CEP44: variants seen among roughly 807,000 people sequenced by gnomAD.
CEP44 encodes the protein centrosomal protein of 44 kDa.
In CEP44, 45 loss-of-function variants were observed where a neutral mutation model predicts 46.7. The observed-to-expected ratio is 0.96, with a 90% CI of 0.76 to 1.24. The LOEUF (loss-of-function observed/expected upper bound fraction) is 1.24. Ranked by LOEUF, CEP44 falls within the 50% of genes most tolerant of loss-of-function variation. The pLI, the probability that CEP44 is intolerant of heterozygous loss-of-function variation, is 0.00. For missense variants in CEP44, 475 were observed against 459.7 expected, an observed-to-expected ratio of 1.03 and a Z score of -0.30; for synonymous variants, 142 against 146.0, an observed-to-expected ratio of 0.97 and a Z score of 0.20.
chr4:174,330,255 G>A (rs1731247412), intron 8 of CEP44, among the ~76,000 whole-genome samples: 1 of 152,206 alleles, frequency 6.6e-6, no homozygotes, highest in African/African-American at 2.4e-5. Context: ...TTGGGAGGCC[G>A]AAGTGGGTGG....
Position 174,291,782 on chromosome 4 carries a change from C to CTTTTTTTTT in CEP44, c.-147-6180_-147-6179insTTTTTTTTT, listed in dbSNP as rs1208425482. On this transcript the variant is annotated intron_variant, in intron 1 of 11. Coordinates refer to ENST00000503780, the MANE Select transcript of CEP44 (RefSeq NM_001040157.3). ...GTTTTCTTTATTCTTTTATCTTTTT[C>CTTTTTTTTT]TTTTCTTTTTTTTTTTTTTTTTTTT... is the stretch of plus-strand genomic sequence containing the variant. Among the ~76,000 whole-genome samples the CTTTTTTTTT allele has an allele frequency of 3.1e-3, 251 of 81,546 alleles. 8 individuals carry two copies. The highest frequency in any genetic ancestry group is 9.3e-3 in the Middle Eastern group (1 of 108). The allele number at this position is 81,546 out of a possible 152,430, so 53.5% of individuals were successfully genotyped here. A position where few individuals can be genotyped will look rare whatever the true frequency, so the allele number is the denominator to read the frequency against.
chr4:174,295,118 T>G (rs1325489635), intron 1 of CEP44, among the ~76,000 whole-genome samples: 1 of 146,016 alleles, frequency 6.8e-6, no homozygotes, highest in South Asian at 2.3e-4. Context: ...GCGGCTGGCC[T>G]GGCGGGGGCT....
chr4:174,292,396 A>G (rs935704713), intron 1 of CEP44, among the ~76,000 whole-genome samples: 1 of 151,980 alleles, frequency 6.6e-6, no homozygotes, highest in African/African-American at 2.4e-5. Flanking sequence ...CTGGATGTCC[A>G]TTTTCCTCCC....
intron 5 of CEP44, 97 bp downstream of exon 5, chr4:174,303,946 T>G: frequency 2.4e-6 from 2 of 837,702 alleles, no homozygotes; most frequent in Non-Finnish European, 1.8e-6. Context: ...GCAAATTATT[T>G]CATAGTGTAA....
intron 6 of CEP44, 146 bp downstream of exon 6, chr4:174,304,515 T>A: frequency 9.4e-7 from 1 of 1,066,088 alleles, no homozygotes. Context: ...TGCCATATAT[T>A]TTTGGGCAGT....
chr4:174,303,674 A>G (rs779900501), intron 4 of CEP44, 29 bp from the exon 5 acceptor site: 4 of 1,433,812 alleles, frequency 2.8e-6, no homozygotes, highest in South Asian at 2.9e-5. Flanking sequence ...ATTGCTCCCA[A>G]TTATTACAAG....
intron 9 of CEP44, among the ~76,000 whole-genome samples, chr4:174,315,871 A>G (rs1741641527): frequency 6.6e-6 from 1 of 151,360 alleles, no homozygotes; most frequent in Admixed American, 6.6e-5. Context: ...AAAAGAATAT[A>G]CATGATTGAT....
At chr4:174,298,873 A>G (rs1739383117) in intron 2 of CEP44, among the ~76,000 whole-genome samples, 199 bp from the exon 3 acceptor site, 1 of 152,182 alleles carries the variant, frequency 6.6e-6, no homozygotes, top group Non-Finnish European at 1.5e-5. Context: ...AACATGTAGG[A>G]GGGTAGGGGA....
In CEP44 at chr4:174,314,116, A is replaced by C. The variant is rs1411251543; in HGVS notation, c.962-2050A>C. ...TGTTACGTGGTAAGAGTTGGGTAGA[A>C]GATTTCATGTCCCATACCCCCATAA... On this transcript the variant is annotated intron_variant, in intron 9 of 11. Transcript: ENST00000503780. The surrounding 1 kb of genome is among the most constrained non-coding windows in gnomAD (Gnocchi z 4.1). 1.3e-5 allele frequency among the ~76,000 whole-genome samples: 2 copies of C among 152,146 alleles called. No individual in the cohort carries two copies. Among genetic ancestry groups the C allele is most frequent in the Non-Finnish European group, 2.9e-5 (2 of 68,034 alleles).
chr4:174,301,578 T>G lies in CEP44; in HGVS notation c.90-461T>G, dbSNP rs2126585733. 6.6e-6 allele frequency among the ~76,000 whole-genome samples: 1 copy of G among 152,344 alleles called. No individual in the cohort carries two copies. The highest frequency in any genetic ancestry group is 2.1e-4 in the South Asian group (1 of 4,832). On this transcript the variant is annotated intron_variant, in intron 3 of 11. Transcript: ENST00000503780. The surrounding 1 kb of genome is among the most constrained non-coding windows in gnomAD (Gnocchi z 4.3). ...GACTGGTCAACCAAGTCACAGTTCA[T>G]GCTTTTTCCCATCCCATCTTCCTCA...
chr4:174,316,424 A>C, intron 10 of CEP44, 106 bp from the exon 11 acceptor site: 1 of 1,341,202 alleles, frequency 7.5e-7, no homozygotes, highest in South Asian at 1.2e-5. Flanking sequence ...ATAAGTAAAC[A>C]GTACTTAATG....
chr4:174,316,861 CTA>C (rs1471164675), intron 11 of CEP44, among the ~76,000 whole-genome samples: 11 of 152,134 alleles, frequency 7.2e-5, no homozygotes, highest in African/African-American at 1.9e-4. Flanking sequence ...AGAGTATTAT[CTA>C]TTTTTGATAA....
downstream of CEP44, among the ~76,000 whole-genome samples, chr4:174,322,698 C>T (rs1025907978): frequency 6.6e-6 from 1 of 152,054 alleles, no homozygotes; most frequent in Non-Finnish European, 1.5e-5. Flanking sequence ...GCTTGACAAA[C>T]AATTAAGATG....
intron 2 of CEP44, among the ~76,000 whole-genome samples, chr4:174,298,789 C>A (rs564804834): frequency 4.0e-5 from 6 of 151,598 alleles, no homozygotes; most frequent in Non-Finnish European, 7.4e-5. Context: ...TAAAAAAAAA[C>A]TATTTGGGCA....
chr4:174,305,139 G>A (rs1318597981), intron 6 of CEP44, among the ~76,000 whole-genome samples: 1 of 152,160 alleles, frequency 6.6e-6, no homozygotes, highest in Non-Finnish European at 1.5e-5. Flanking sequence ...CATGAGTTAT[G>A]TAAACAGAAT....
In CEP44 at chr4:174,317,392, A is replaced by G. The variant is rs1741856388; in HGVS notation, c.*9A>G. 1.4e-6 allele frequency: 2 copies of G among 1,417,332 alleles called. No individual in the cohort carries two copies. Among genetic ancestry groups the G allele is most frequent in the East Asian group, 5.0e-5 (2 of 40,060 alleles). 87.8% of individuals were successfully genotyped at this position (1,417,332 alleles called of 1,614,324 possible). A position where few individuals can be genotyped will look rare whatever the true frequency, so the allele number is the denominator to read the frequency against. Reference sequence around the variant, plus strand: ...CAAATCACTACTTGTAGGATTTTCTACATGAACTTTTTTCTAGGACTTTGG... The same window carrying G: ...CAAATCACTACTTGTAGGATTTTCTGCATGAACTTTTTTCTAGGACTTTGG... On this transcript the variant is annotated 3_prime_UTR_variant, in exon 12 of 12. Coordinates refer to ENST00000503780, the MANE Select transcript of CEP44 (RefSeq NM_001040157.3).
At chr4:174,289,897 G>A (rs905973442) in intron 1 of CEP44, among the ~76,000 whole-genome samples, 3 of 150,818 alleles carry the variant, frequency 2.0e-5, no homozygotes, top group Non-Finnish European at 4.4e-5. Context: ...GTGCAGTGGC[G>A]TGATGATCTT....
chr4:174,308,495 A>T (rs1031642892), intron 6 of CEP44, among the ~76,000 whole-genome samples, 194 bp from the exon 7 acceptor site: 2 of 152,118 alleles, frequency 1.3e-5, no homozygotes, highest in Non-Finnish European at 2.9e-5. Context: ...GGGTAGGAGG[A>T]GGTTCAGGAA....
chr4:174,316,616 G>C, intron 11 of CEP44, 49 bp downstream of exon 11: 3 of 1,490,578 alleles, frequency 2.0e-6, no homozygotes, highest in Non-Finnish European at 2.8e-6. Context: ...ATAGGGAATT[G>C]TATTGGATTA....
Sources: allele counts gnomAD v4.1 joint callset (sites outside exome capture counted in the v4.1 genomes callset), GRCh38; gene constraint gnomAD v4.1.1; non-coding constraint Gnocchi (gnomAD v3.1); transcripts MANE v1.5; gene names NCBI Gene and HGNC (gene_info 2026-07-23, HGNC 2026-07-21).